Variants in ZNF385D observed in about 807,000 individuals in gnomAD.
ZNF385D encodes zinc finger protein 659.
In ZNF385D, 15 loss-of-function variants were observed where a neutral mutation model predicts 35.8. That is an observed-to-expected ratio of 0.42 (90% confidence interval 0.28 to 0.64). The LOEUF is 0.64. Among genes scored for constraint, ZNF385D ranks in the 30% least tolerant of loss-of-function variants. The pLI is 0.23. For synonymous variants in ZNF385D, 212 were observed against 186.8 expected (o/e 1.13, Z -1.10); for missense variants, 474 against 494.6 (o/e 0.96, Z 0.39).
intron 3 of ZNF385D, among the ~76,000 whole-genome samples, chr3:21,963,798 G>T (rs554661551): frequency 6.6e-6 from 1 of 152,022 alleles, no homozygotes; most frequent in African/African-American, 2.4e-5. Flanking sequence ...GAATTCTAGA[G>T]ATATAAATTA....
chr3:21,769,031 T>C (rs995376602), intron 3 of ZNF385D, among the ~76,000 whole-genome samples: 1 of 152,034 alleles, frequency 6.6e-6, no homozygotes, highest in African/African-American at 2.4e-5. Flanking sequence ...TTATTTTTAG[T>C]TACGTCCCAT....
At chr3:21,658,729 AC>A (rs2066148585) in intron 2 of ZNF385D, among the ~76,000 whole-genome samples, 1 of 151,914 alleles carries the variant, frequency 6.6e-6, no homozygotes, top group South Asian at 2.1e-4. Flanking sequence ...GCAAACCTTA[AC>A]CTTTACCATA....
intron 3 of ZNF385D, among the ~76,000 whole-genome samples, chr3:21,540,649 C>T (rs1169455342): frequency 6.6e-6 from 1 of 152,072 alleles, no homozygotes; most frequent in Non-Finnish European, 1.5e-5. Context: ...CCTGATGTCC[C>T]GATAAACCTG....
intron 2 of ZNF385D, among the ~76,000 whole-genome samples, chr3:22,360,997 G>A (rs757425226): frequency 3.1e-4 from 47 of 151,926 alleles, no homozygotes; most frequent in Non-Finnish European, 5.7e-4. Context: ...TGATACACAA[G>A]GTCGATTATT....
At chr3:21,865,045 C>CTT (rs3073907) in intron 3 of ZNF385D, among the ~76,000 whole-genome samples, 1,739 of 21,188 alleles carry the variant, frequency 0.082, 331 homozygotes, top group Middle Eastern at 0.12. Flanking sequence ...ACAGGGAAGA[C>CTT]TTTTTTTTTT....
intron 3 of ZNF385D, among the ~76,000 whole-genome samples, chr3:22,075,482 C>A (rs1700419729): frequency 6.6e-6 from 1 of 151,946 alleles, no homozygotes; most frequent in Non-Finnish European, 1.5e-5. Flanking sequence ...CCCTCATCAT[C>A]CCTCTTCACT....
chr3:21,689,725 G>A (rs1214068907), intron 1 of ZNF385D, among the ~76,000 whole-genome samples: 1 of 151,904 alleles, frequency 6.6e-6, no homozygotes, highest in Non-Finnish European at 1.5e-5. Context: ...ACACCTGTAG[G>A]GCTAATTACC....
At chr3:21,434,333 C>A (rs1701445764) in intron 5 of ZNF385D, among the ~76,000 whole-genome samples, 1 of 152,136 alleles carries the variant, frequency 6.6e-6, no homozygotes, top group Non-Finnish European at 1.5e-5. Flanking sequence ...CAAATCTGCT[C>A]TTGAGGGAGT....
At chr3:22,337,083 A>G (rs536473808) in intron 2 of ZNF385D, among the ~76,000 whole-genome samples, 35 of 151,954 alleles carry the variant, frequency 2.3e-4, no homozygotes, top group Non-Finnish European at 4.3e-4. Flanking sequence ...TAAAAATTAT[A>G]TATTTAGTAA....
chr3:22,173,869 C>A (rs928364115), intron 2 of ZNF385D, among the ~76,000 whole-genome samples: 7 of 152,046 alleles, frequency 4.6e-5, no homozygotes, highest in African/African-American at 1.7e-4. Context: ...GTTGAAAAAT[C>A]CAATATGGAA....
chr3:21,509,636 G>T (rs942453558), intron 4 of ZNF385D, among the ~76,000 whole-genome samples: 2 of 151,926 alleles, frequency 1.3e-5, no homozygotes, highest in African/African-American at 4.8e-5. Context: ...CCAAACCAAA[G>T]GAGTGAAATA....
At chr3:21,586,036 TACATAC>T (rs2063800542) in intron 2 of ZNF385D, among the ~76,000 whole-genome samples, 1 of 42,176 alleles carries the variant, frequency 2.4e-5, no homozygotes, top group South Asian at 6.1e-4. Context: ...TAAATACAAA[TACATAC>T]ACACACACAC....
At chr3:21,751,915 A>C (rs2125559277), upstream of ZNF385D, among the ~76,000 whole-genome samples, 1 of 151,988 alleles carries the variant, frequency 6.6e-6, no homozygotes, top group South Asian at 2.1e-4. Context: ...GACCTCCTGA[A>C]ACGGAGAGAC....
At chr3:22,285,369 T>C (rs1450848489) in intron 2 of ZNF385D, among the ~76,000 whole-genome samples, 2 of 152,148 alleles carry the variant, frequency 1.3e-5, no homozygotes, top group African/African-American at 2.4e-5. Context: ...CTATTACAAA[T>C]GACAAATATT....
At chr3:21,881,585 T>TA (rs1698278705) in intron 3 of ZNF385D, among the ~76,000 whole-genome samples, 2 of 152,068 alleles carry the variant, frequency 1.3e-5, no homozygotes, top group South Asian at 4.1e-4. Context: ...AATGTTGTTT[T>TA]AATGCCTGCT....
intron 5 of ZNF385D, among the ~76,000 whole-genome samples, chr3:21,426,605 T>C (rs1701039016): frequency 6.6e-6 from 1 of 152,134 alleles, no homozygotes; most frequent in Admixed American, 6.6e-5. Flanking sequence ...TTTATAATCA[T>C]TTGTGTTCTT....
intron 3 of ZNF385D, among the ~76,000 whole-genome samples, chr3:22,086,497 G>C (rs1452989710): frequency 5.3e-5 from 8 of 152,194 alleles, no homozygotes; most frequent in Admixed American, 2.0e-4. Flanking sequence ...TATAAGGGAT[G>C]TGAAGGACCT....
intron 2 of ZNF385D, among the ~76,000 whole-genome samples, chr3:22,210,112 C>T (rs1208206982): frequency 6.6e-6 from 1 of 151,614 alleles, no homozygotes; most frequent in Non-Finnish European, 1.5e-5. Flanking sequence ...CCAGCCAAGT[C>T]CCAGGAAAAG....
chr3:22,176,511 T>C (rs1694841112), intron 2 of ZNF385D, among the ~76,000 whole-genome samples: 1 of 152,200 alleles, frequency 6.6e-6, no homozygotes, highest in South Asian at 2.1e-4. Flanking sequence ...ACAGTTTTTA[T>C]CACATCACAG....
Sources: allele counts gnomAD v4.1 joint callset (sites outside exome capture counted in the v4.1 genomes callset), GRCh38; gene constraint gnomAD v4.1.1; transcripts MANE v1.5; gene names NCBI Gene and HGNC (gene_info 2026-07-23, HGNC 2026-07-21).